Variants in ZNF516 observed in about 807,000 individuals in gnomAD.
ZNF516 encodes zinc finger protein 516.
A neutral mutation model predicts 79.7 loss-of-function variants in ZNF516; 19 were observed. The ratio of observed to expected loss-of-function variants is 0.24; its 90% CI spans 0.17 to 0.35. The LOEUF (loss-of-function observed/expected upper bound fraction) is 0.35. ZNF516 is among the 10% of genes least tolerant of loss of function. The pLI is 1.00. For missense variants in ZNF516, 1,678 were observed against 1,679.5 expected, an observed-to-expected ratio of 1.00 and a Z score of 0.02; for synonymous variants, 877 against 739.5, an observed-to-expected ratio of 1.19 and a Z score of -3.02.
At chr18:76,449,294 A>G (rs1306934793) in intron 2 of ZNF516, among the ~76,000 whole-genome samples, 1 of 152,168 alleles carries the variant, frequency 6.6e-6, no homozygotes, top group Non-Finnish European at 1.5e-5. Flanking sequence ...CGGTGTCTAG[A>G]GCCCTGAGCC....
In ZNF516 at chr18:76,441,665, G is replaced by A. The variant is rs1296532817; in HGVS notation, c.1390C>T (p.Arg464Cys). Residue 464 changes from arginine (R) to cysteine (C), a missense_variant, in exon 3 of 7, where the codon CGC (arginine) becomes TGC (cysteine). By Grantham distance (180) the Arg-to-Cys change is radical. Transcript: ENST00000443185. ...REYVLVSQEK[R>C]KREQDAPAAQ... ...GCTGGTGCATCCTGCTCACGCTTGCGCTTCTCCTGGCTCACCAGGACGTAC... is the reference window on the plus strand; with the variant it reads ...GCTGGTGCATCCTGCTCACGCTTGCACTTCTCCTGGCTCACCAGGACGTAC... 6.5e-7 allele frequency: 1 copy of A among 1,548,786 alleles called. No homozygotes were observed.
At chr18:76,432,949 G>A (rs552768901) in intron 3 of ZNF516, among the ~76,000 whole-genome samples, 1 of 152,186 alleles carries the variant, frequency 6.6e-6, no homozygotes, top group Non-Finnish European at 1.5e-5. Flanking sequence ...AAGGGAAGAA[G>A]GCGACCTCCC....
chr18:76,436,109 G>C (rs1231935621), intron 3 of ZNF516, among the ~76,000 whole-genome samples: 1 of 152,244 alleles, frequency 6.6e-6, no homozygotes, highest in African/African-American at 2.4e-5. Context: ...CGAAGGAACT[G>C]GGCAGAGCCC....
chr18:76,452,676 A>C (rs1156970097), intron 2 of ZNF516, among the ~76,000 whole-genome samples: 2 of 152,238 alleles, frequency 1.3e-5, no homozygotes, highest in Non-Finnish European at 2.9e-5. Flanking sequence ...GTTCAAATAG[A>C]AGAACATTTG....
Position 76,380,066 on chromosome 18 carries a change from T to G in ZNF516, c.2048A>C (p.Glu683Ala). 1 of 1,613,926 alleles carries G rather than the reference T, an allele frequency of 6.2e-7. No homozygotes were observed. Among genetic ancestry groups the G allele is most frequent in the African/African-American group, 1.3e-5 (1 of 75,006 alleles). Residue 683 changes from glutamate (E) to alanine (A), a missense_variant, in exon 4 of 7, where the codon GAG (glutamate) becomes GCG (alanine). Glu to Ala is a moderately radical substitution (Grantham distance 107). This residue lies in a region of ZNF516 where 1,294 missense variants were observed against 1,248.3 expected (regional missense o/e 1.04). Transcript: ENST00000443185. ...CACACCATCACCAGGGACGGGCACC[T>G]CCTGCTTGGGGTGAAATGCTGGCAT... Reference protein sequence around the residue: ...LKMPAFHPKQEVPVPGDGVEF... With the variant: ...LKMPAFHPKQAVPVPGDGVEF...
rs1265829419 is a variant in ZNF516 at position 76,443,038 on chromosome 18, T to C, written c.17A>G (p.Glu6Gly). The change falls in exon 3 of 7, where the codon GAG becomes GGG. Residue 6 changes from glutamate (E) to glycine (G), a missense_variant. Transcript: ENST00000443185. ...GCCTCGCCTCAGCTCCATCTCGGCC[T>C]CTCTGTTGCGATCCATCCGAAGGAC... MDRNR[E>G]AEMELRRGPS... 5 of 1,592,438 alleles carry C rather than the reference T, an allele frequency of 3.1e-6. No homozygotes were observed. In the African/African-American group the frequency reaches 5.4e-5, roughly 17 times the overall value.
intron 3 of ZNF516, among the ~76,000 whole-genome samples, chr18:76,395,057 T>A (rs977211373): frequency 6.6e-6 from 1 of 152,200 alleles, no homozygotes; most frequent in African/African-American, 2.4e-5. Context: ...TTTGGTCATC[T>A]CAGGCCAGGC....
At chr18:76,485,462 T>C (rs553713357) in intron 1 of ZNF516, among the ~76,000 whole-genome samples, 38 of 152,348 alleles carry the variant, frequency 2.5e-4, no homozygotes, top group African/African-American at 7.9e-4. Flanking sequence ...TCAGTCCACA[T>C]ATGCCTTGCT....
At chr18:76,491,158 C>G in intron 1 of ZNF516, 1 of 946,538 alleles carries the variant, frequency 1.1e-6, no homozygotes, top group Non-Finnish European at 1.3e-6. Flanking sequence ...AACCAATTAC[C>G]TGGGCTCCGC....
intron 1 of ZNF516, among the ~76,000 whole-genome samples, chr18:76,474,212 T>C (rs1051269871): frequency 9.2e-5 from 14 of 152,214 alleles, no homozygotes; most frequent in African/African-American, 3.1e-4. Context: ...GCAAAAGTAG[T>C]AAGAAACAGA....
intron 3 of ZNF516, among the ~76,000 whole-genome samples, chr18:76,409,141 G>A (rs932373641): frequency 6.6e-6 from 1 of 151,176 alleles, no homozygotes; most frequent in Non-Finnish European, 1.5e-5. Flanking sequence ...AGCTAAAGTG[G>A]AAGAGCAGCA....
intron 4 of ZNF516, among the ~76,000 whole-genome samples, chr18:76,374,446 A>G (rs755555582): frequency 1.3e-5 from 2 of 152,218 alleles, no homozygotes; most frequent in Non-Finnish European, 2.9e-5. Context: ...GGAGGTAGCA[A>G]TAGTTCTTTC....
At chr18:76,464,831 C>T (rs1913359548) in intron 1 of ZNF516, among the ~76,000 whole-genome samples, 1 of 152,238 alleles carries the variant, frequency 6.6e-6, no homozygotes, top group African/African-American at 2.4e-5. Context: ...ATGATTTAGT[C>T]AAGGCATCTT....
At chr18:76,410,596 G>A in intron 3 of ZNF516, among the ~76,000 whole-genome samples, 1 of 152,058 alleles carries the variant, frequency 6.6e-6, no homozygotes, top group East Asian at 1.9e-4. Flanking sequence ...ATTTGCTTTT[G>A]GGGAGGAAAA....
At chr18:76,463,948 G>T (rs1913283315) in intron 1 of ZNF516, among the ~76,000 whole-genome samples, 1 of 152,176 alleles carries the variant, frequency 6.6e-6, no homozygotes. Flanking sequence ...AAAGACAGAA[G>T]AAGATCCACC....
chr18:76,418,150 TAC>T (rs2075456490), intron 3 of ZNF516, among the ~76,000 whole-genome samples: 1 of 152,036 alleles, frequency 6.6e-6, no homozygotes, highest in Non-Finnish European at 1.5e-5. Flanking sequence ...CACAGTAACA[TAC>T]ACAGTAACAC....
At chr18:76,373,726 C>T (rs1020666531) in intron 4 of ZNF516, among the ~76,000 whole-genome samples, 2 of 152,266 alleles carry the variant, frequency 1.3e-5, no homozygotes, top group Non-Finnish European at 2.9e-5. Context: ...TGCACACACA[C>T]ACACGCAGGC....
At chr18:76,480,870 G>A (rs1914486473) in intron 1 of ZNF516, among the ~76,000 whole-genome samples, 1 of 152,158 alleles carries the variant, frequency 6.6e-6, no homozygotes, top group Non-Finnish European at 1.5e-5. Flanking sequence ...ATCAAAAGAA[G>A]AGTATTTTGT....
chr18:76,374,890 T>G (rs1203895706), intron 4 of ZNF516, among the ~76,000 whole-genome samples: 3 of 152,008 alleles, frequency 2.0e-5, no homozygotes, highest in Admixed American at 1.3e-4. Context: ...ACTTGTATAA[T>G]AAGACACGTC....
Sources: gnomAD v4.1 joint callset for allele counts (sites outside exome capture counted in the v4.1 genomes callset) on GRCh38, gnomAD v4.1.1 for gene constraint, gnomAD v4.1.1 regional missense constraint, MANE v1.5 for transcripts, NCBI Gene and HGNC (gene_info 2026-07-23, HGNC 2026-07-21) for gene names.